SYNE1: variants seen among roughly 807,000 people sequenced by gnomAD.
The protein encoded by SYNE1 is nesprin-1.
In SYNE1, 616 loss-of-function variants were observed where a neutral mutation model predicts 1,111.0. The ratio of observed to expected loss-of-function variants is 0.55; its 90% CI spans 0.52 to 0.59. The LOEUF is 0.59. Ranked by LOEUF, SYNE1 falls within the 20% of genes least tolerant of loss-of-function variation. The pLI is 0.00. For missense variants in SYNE1, 10,006 were observed against 10,417.0 expected, an observed-to-expected ratio of 0.96 and a Z score of 1.72; for synonymous variants, 3,855 against 3,825.8, an observed-to-expected ratio of 1.01 and a Z score of -0.28.
At chr6:152,299,806 G>T (rs934108274) in intron 93 of SYNE1, among the ~76,000 whole-genome samples, 3 of 151,718 alleles carry the variant, frequency 2.0e-5, no homozygotes, top group Non-Finnish European at 4.4e-5. Context: ...TAAAACATTT[G>T]CTCTGTTTAA....
At chr6:152,190,758 T>A (rs1323313233) in intron 127 of SYNE1, among the ~76,000 whole-genome samples, 1 of 152,196 alleles carries the variant, frequency 6.6e-6, no homozygotes, top group Non-Finnish European at 1.5e-5. Context: ...CTACTCTCTA[T>A]CTCCATGAGT....
chr6:152,122,251 C>A lies in SYNE1; in HGVS notation c.*185G>T. 1 of 857,344 alleles carries A rather than the reference C, an allele frequency of 1.2e-6. No homozygotes were observed. The highest frequency in any genetic ancestry group is 1.6e-5 in the South Asian group (1 of 61,212). 53.1% of individuals were successfully genotyped at this position (857,344 alleles called of 1,614,324 possible). Reference sequence around the variant, plus strand: ...AAACCTTCTTGTTGTCTGTTTGTTCCCCCGTCACTGTTTATCTTCCACCTC... The same window carrying A: ...AAACCTTCTTGTTGTCTGTTTGTTCACCCGTCACTGTTTATCTTCCACCTC... On this transcript the variant is annotated 3_prime_UTR_variant, in exon 146 of 146. Coordinates refer to ENST00000367255, the MANE Select transcript of SYNE1 (RefSeq NM_182961.4).
At chr6:152,484,680 G>GA (rs1423101825) in intron 13 of SYNE1, among the ~76,000 whole-genome samples, 155 bp downstream of exon 13, 1 of 152,202 alleles carries the variant, frequency 6.6e-6, no homozygotes, top group Non-Finnish European at 1.5e-5. Context: ...AGGAAAACTA[G>GA]ACAAGGAGGC....
chr6:152,289,600 A>C (rs1442439329), intron 95 of SYNE1, among the ~76,000 whole-genome samples: 1 of 152,116 alleles, frequency 6.6e-6, no homozygotes, highest in Non-Finnish European at 1.5e-5. Flanking sequence ...CATGTTGGCC[A>C]GGCTGAAATG....
chr6:152,259,718 A>C (rs1471237429), intron 101 of SYNE1, among the ~76,000 whole-genome samples: 1 of 151,962 alleles, frequency 6.6e-6, no homozygotes, highest in Non-Finnish European at 1.5e-5. Context: ...TTATATGATC[A>C]CTCCTTTCTG....
chr6:152,207,764 C>G (rs2076788810), intron 125 of SYNE1, among the ~76,000 whole-genome samples: 1 of 152,154 alleles, frequency 6.6e-6, no homozygotes, highest in African/African-American at 2.4e-5. Flanking sequence ...TGTAAGCAGC[C>G]TTTGTGAGAG....
At position 152,271,786 on chromosome 6, in the gene SYNE1, C is replaced by T. The variant is rs550662684; in HGVS notation, c.18574-2500G>A. On this transcript the variant is annotated intron_variant, in intron 98 of 145. Coordinates refer to ENST00000367255, the MANE Select transcript of SYNE1 (RefSeq NM_182961.4). ...CAGTGGACGAGACTGAAAGTTGTCCCCATCAGAGCTGCTCCAGCTGCCAAA... is the reference window on the plus strand; with the variant it reads ...CAGTGGACGAGACTGAAAGTTGTCCTCATCAGAGCTGCTCCAGCTGCCAAA... Among the ~76,000 whole-genome samples, 4 of 152,332 alleles carry T rather than the reference C, an allele frequency of 2.6e-5. No homozygotes were observed. In the East Asian group the frequency reaches 7.7e-4, roughly 29 times the overall value.
chr6:152,215,779 A>G lies in SYNE1; in HGVS notation c.22192-719T>C, dbSNP rs117756020. Reference sequence around the variant, plus strand: ...GCTATTCTCTCTTTACAAGGGAGGAAAGGGAGGCACAGAAACTAAGTAAAT... The same window carrying G: ...GCTATTCTCTCTTTACAAGGGAGGAGAGGGAGGCACAGAAACTAAGTAAAT... On this transcript the variant is annotated intron_variant, in intron 121 of 145. Coordinates refer to ENST00000367255, the MANE Select transcript of SYNE1 (RefSeq NM_182961.4). Among the ~76,000 whole-genome samples the G allele has an allele frequency of 3.8e-4, 58 of 152,370 alleles. No homozygotes were observed. In the East Asian group the frequency reaches 9.6e-3, roughly 25 times the overall value.
At position 152,143,615 on chromosome 6, in the gene SYNE1, A is replaced by G. The variant is rs1554408951; in HGVS notation, c.25119+8T>C. On this transcript the variant is annotated splice_region_variant and intron_variant, in intron 138 of 145. Transcript: ENST00000367255. ...ACAGGTCGGAATCAGGATGGCCAGG[A>G]TACTTACGTAGCCTTTGTAGCTGGT... 6.2e-7 allele frequency: 1 copy of G among 1,614,142 alleles called. No homozygotes were observed. The highest frequency in any genetic ancestry group is 8.5e-7 in the Non-Finnish European group (1 of 1,180,020).
chr6:152,488,032 G>A (rs1389209648), intron 12 of SYNE1, among the ~76,000 whole-genome samples: 2 of 145,748 alleles, frequency 1.4e-5, no homozygotes, highest in Non-Finnish European at 2.9e-5. Flanking sequence ...CCAAGATCAC[G>A]CCATTGCACT....
chr6:152,176,549 C>T lies in SYNE1; in HGVS notation c.23472G>A (p.Glu7824=). ...MIEKLKKDYQ[E]EIAIAQENKI... is the part of the protein sequence containing the mutation. ...TGTTCTCTTGAGCAATAGCAATTTC[C>T]TCTTGATAATCCTGTGTAATAAATA... The change falls in exon 130 of 146, where the codon GAG becomes GAA. Residue 7824 remains glutamate (E), a synonymous_variant. Transcript: ENST00000367255. 4.3e-6 allele frequency: 7 copies of T among 1,614,072 alleles called. No homozygotes were observed. The highest frequency in any genetic ancestry group is 4.2e-6 in the Non-Finnish European group (5 of 1,179,962).
intron 78 of SYNE1, 107 bp from the exon 79 acceptor site, chr6:152,326,740 T>C (rs1235114578): frequency 9.9e-7 from 1 of 1,006,930 alleles, no homozygotes; most frequent in Non-Finnish European, 1.5e-6. Flanking sequence ...CATGGGCGTA[T>C]GTGTGTAAGT....
At chr6:152,605,130 A>G (rs542188299) in intron 3 of SYNE1, among the ~76,000 whole-genome samples, 82 of 144,116 alleles carry the variant, frequency 5.7e-4, no homozygotes, top group Non-Finnish European at 9.0e-4. Flanking sequence ...GGAAGGAAGG[A>G]GAAAGGAAAA....
rs79941272 is a variant in SYNE1, at chr6:152,465,522, T to C, written c.1730-62A>G. ...TATTTTAAATCCTCTACACCTTTTT[T>C]TCTATGGTCTTATACATTGGTGTGC... On this transcript the variant is annotated intron_variant, in intron 17 of 145. Transcript: ENST00000367255. 1,209 of 1,470,554 alleles carry C rather than the reference T, an allele frequency of 8.2e-4. 12 individuals are homozygous for C. The African/African-American group carries it at 0.015, about 18-fold the overall frequency. 91.1% of individuals were successfully genotyped at this position (1,470,554 alleles called of 1,614,324 possible).
intron 56 of SYNE1, among the ~76,000 whole-genome samples, chr6:152,379,743 A>T (rs1429841600): frequency 6.6e-6 from 1 of 152,208 alleles, no homozygotes; most frequent in African/African-American, 2.4e-5. Flanking sequence ...TATTTAACAC[A>T]ACTGAAAACC....
intron 132 of SYNE1, 88 bp from the exon 133 acceptor site, chr6:152,155,130 G>C: frequency 2.6e-6 from 4 of 1,543,782 alleles, no homozygotes; most frequent in Non-Finnish European, 3.6e-6. Flanking sequence ...CTGGATTAAG[G>C]GTGCCCACAG....
At chr6:152,166,669 C>CACA (rs2063723150) in intron 130 of SYNE1, among the ~76,000 whole-genome samples, 1 of 152,148 alleles carries the variant, frequency 6.6e-6, no homozygotes, top group Non-Finnish European at 1.5e-5. Flanking sequence ...TTCATATAGT[C>CACA]CATTAGGGAC....
chr6:152,268,070 G>A lies in SYNE1; in HGVS notation c.18801C>T (p.Thr6267=), dbSNP rs116007471. 3,150 of 1,613,744 alleles carry A rather than the reference G, an allele frequency of 2.0e-3. 34 individuals carry two copies. The African/African-American group carries it at 0.032, about 16-fold the overall frequency. ...TTGAAACATACCCAGCATCACCAGA[G>A]GTCTCTGCCGCCGAATGTTGAATTA... ...EILIQHSAAE[T]SGDAGEKPDV... Residue 6267 remains threonine, a synonymous_variant, in exon 100 of 146, where the codon ACC becomes ACT. Transcript: ENST00000367255.
At chr6:152,362,669 GC>G (rs2096954713) in intron 63 of SYNE1, among the ~76,000 whole-genome samples, 1 of 152,146 alleles carries the variant, frequency 6.6e-6, no homozygotes, top group Non-Finnish European at 1.5e-5. Context: ...AAAGCTCTGG[GC>G]AGGGAGAGAA....
Sources: gnomAD v4.1 joint callset for allele counts (sites outside exome capture counted in the v4.1 genomes callset) on GRCh38, gnomAD v4.1.1 for gene constraint, MANE v1.5 for transcripts, NCBI Gene and HGNC (gene_info 2026-07-23, HGNC 2026-07-21) for gene names.